Variants in SLC5A4 observed in about 807,000 individuals in gnomAD.
SLC5A4 encodes the protein solute carrier family 5 member 4.
Under a neutral mutation model 70.3 loss-of-function variants are expected in SLC5A4, and 55 were observed. That is an observed-to-expected ratio of 0.78 (90% CI 0.63 to 0.98). The LOEUF is 0.98. Ranked by LOEUF, SLC5A4 falls within the 50% of genes least tolerant of loss-of-function variation. SLC5A4 has a pLI of 0.00. For missense variants in SLC5A4, 735 were observed against 839.2 expected (o/e 0.88, Z 1.53); for synonymous variants, 268 against 305.7 (o/e 0.88, Z 1.29).
At position 32,229,197 on chromosome 22, in the gene SLC5A4, C is replaced by T; in HGVS notation, c.1277G>A (p.Gly426Glu). The change falls in exon 11 of 15, where the codon GGA becomes GAA. Residue 426 changes from glycine (G) to glutamate (E), a missense_variant. Transcript: ENST00000266086. ...GTGGGAACCAGGGTTCACTCACCGT[C>T]CAGCTATCAGGAGCTCTTTCTCCGA... ...QASEKELLIAGRIFVLLLTVV... is the reference protein window; with the variant it reads ...QASEKELLIAERIFVLLLTVV... 2.5e-6 allele frequency: 4 copies of T among 1,613,826 alleles called. No individual in the cohort carries two copies. The highest frequency in any genetic ancestry group is 1.1e-5 in the South Asian group (1 of 91,002).
the SLC5A4 span, among the ~76,000 whole-genome samples, chr22:32,327,696 C>G: frequency 2.0e-5 from 3 of 152,136 alleles, no homozygotes; most frequent in African/African-American, 7.2e-5. Flanking sequence ...ACCTTCCCAT[C>G]CCCTGCAGAC....
At chr22:32,328,364 T>TG in the SLC5A4 span, among the ~76,000 whole-genome samples, 2 of 151,992 alleles carry the variant, frequency 1.3e-5, no homozygotes, top group Non-Finnish European at 1.5e-5. Context: ...TTGTAACAAA[T>TG]GGATAGAATA....
At chr22:32,298,801 C>T in the SLC5A4 span, among the ~76,000 whole-genome samples, 22 of 115,866 alleles carry the variant, frequency 1.9e-4, 1 homozygote, top group Admixed American at 1.7e-3. Flanking sequence ...ACTGGTTGTT[C>T]CTTTCCATGT....
the SLC5A4 span, among the ~76,000 whole-genome samples, chr22:32,277,814 C>T: frequency 2.0e-5 from 3 of 152,212 alleles, no homozygotes; most frequent in South Asian, 4.1e-4. Flanking sequence ...TCCCAAAGTG[C>T]TGAGATTACA....
chr22:32,251,894 A>G lies in SLC5A4; in HGVS notation c.208-20T>C, dbSNP rs368796605. ...GCCCATCTGGAATGCAAGAGAACAG[A>G]CTAGGGTTGGAGTTAAAAGATCCAA... On this transcript the variant is annotated intron_variant, in intron 2 of 14. Coordinates refer to ENST00000266086, the MANE Select transcript of SLC5A4 (RefSeq NM_014227.3). 59 of 1,564,244 alleles carry G rather than the reference A, an allele frequency of 3.8e-5. No individual in the cohort carries two copies. Among genetic ancestry groups the G allele is most frequent in the Non-Finnish European group, 4.9e-5 (56 of 1,134,930 alleles).
At chr22:32,353,492 G>A in the SLC5A4 span, among the ~76,000 whole-genome samples, 1 of 151,970 alleles carries the variant, frequency 6.6e-6, no homozygotes, top group South Asian at 2.1e-4. Context: ...GCTCCAGCAG[G>A]AGGAGATGGC....
chr22:32,317,899 T>C, the SLC5A4 span, among the ~76,000 whole-genome samples: 2 of 152,238 alleles, frequency 1.3e-5, no homozygotes, highest in Non-Finnish European at 2.9e-5. Flanking sequence ...CCAGTTTCAC[T>C]TCTCACCATC....
the SLC5A4 span, among the ~76,000 whole-genome samples, chr22:32,290,544 A>G: frequency 6.6e-6 from 1 of 152,178 alleles, no homozygotes; most frequent in African/African-American, 2.4e-5. Context: ...TGCTTTGGAT[A>G]TGATTTTTTC....
At chr22:32,270,461 G>T in the SLC5A4 span, 97 of 995,830 alleles carry the variant, frequency 9.7e-5, no homozygotes, top group Non-Finnish European at 1.3e-4. Context: ...AATCCCAAGG[G>T]GGAGGGCACG....
At chr22:32,306,735 T>C in the SLC5A4 span, among the ~76,000 whole-genome samples, 481 of 152,264 alleles carry the variant, frequency 3.2e-3, 3 homozygotes, top group African/African-American at 0.011. Context: ...TCCTGCCTTG[T>C]TAAGGTGACT....
chr22:32,292,890 TTG>T, the SLC5A4 span, among the ~76,000 whole-genome samples: 2 of 152,176 alleles, frequency 1.3e-5, no homozygotes, highest in African/African-American at 2.4e-5. Context: ...CCCAGTATAA[TTG>T]TGATTTTGTC....
At position 32,238,964 on chromosome 22, in the gene SLC5A4, C is replaced by T. The variant is rs185715621; in HGVS notation, c.583+21G>A. 66 of 1,571,924 alleles carry T rather than the reference C, an allele frequency of 4.2e-5. No homozygotes were observed. The Admixed American group carries it at 7.7e-4, about 18-fold the overall frequency. On this transcript the variant is annotated intron_variant, in intron 6 of 14. Coordinates refer to ENST00000266086, the MANE Select transcript of SLC5A4 (RefSeq NM_014227.3). ...ATCAGCAAAAGATAGCCTGAGTGAG[C>T]AAAATATGCAACATACTTACCAGTG... is the stretch of plus-strand genomic sequence containing the variant.
chr22:32,334,821 T>G, the SLC5A4 span, among the ~76,000 whole-genome samples: 1 of 152,204 alleles, frequency 6.6e-6, no homozygotes, highest in Non-Finnish European at 1.5e-5. Context: ...GACAAGGACA[T>G]GTCCCTTAGA....
intron 5 of SLC5A4, among the ~76,000 whole-genome samples, chr22:32,243,597 A>C (rs1926658099): frequency 6.6e-6 from 1 of 152,236 alleles, no homozygotes; most frequent in Non-Finnish European, 1.5e-5. Context: ...GCCACAGTAA[A>C]GACTGGATCA....
intron 4 of SLC5A4, among the ~76,000 whole-genome samples, chr22:32,248,214 T>C (rs1926942297): frequency 6.6e-6 from 1 of 152,138 alleles, no homozygotes; most frequent in African/African-American, 2.4e-5. Context: ...GCCTGACAGA[T>C]TTACCCAAAC....
At chr22:32,351,025 T>A in the SLC5A4 span, among the ~76,000 whole-genome samples, 1 of 152,164 alleles carries the variant, frequency 6.6e-6, no homozygotes, top group Non-Finnish European at 1.5e-5. Context: ...AATCTTGCCC[T>A]AAAAACATTA....
the SLC5A4 span, among the ~76,000 whole-genome samples, chr22:32,334,353 A>T: frequency 6.6e-6 from 1 of 151,904 alleles, no homozygotes; most frequent in African/African-American, 2.4e-5. Flanking sequence ...CAGCAGCAAC[A>T]CCACGTGTCT....
the SLC5A4 span, among the ~76,000 whole-genome samples, chr22:32,312,060 A>T: frequency 4.6e-5 from 7 of 152,110 alleles, no homozygotes; most frequent in African/African-American, 1.7e-4. Flanking sequence ...TGAGAGGGAG[A>T]GTGCATGAAA....
chr22:32,218,712 T>C lies in SLC5A4; in HGVS notation c.1782A>G (p.Lys594=). Residue 594 remains lysine, a synonymous_variant, in exon 15 of 15, where the codon AAA becomes AAG. Coordinates refer to ENST00000266086, the MANE Select transcript of SLC5A4 (RefSeq NM_014227.3). ...AAGCTTTCTTGAGGCATCCACGTGA[T>C]TTCTCAGGATAATCTGGAACAAAGA... The part of the protein sequence containing the change: ...DDGVEEDYPE[K]SRGCLKKAYD... 1.2e-6 allele frequency: 2 copies of C among 1,613,710 alleles called. No individual in the cohort carries two copies. The highest frequency in any genetic ancestry group is 1.7e-6 in the Non-Finnish European group (2 of 1,179,712).
Sources: allele counts gnomAD v4.1 joint callset (sites outside exome capture counted in the v4.1 genomes callset), GRCh38; gene constraint gnomAD v4.1.1; transcripts MANE v1.5; gene names NCBI Gene and HGNC (gene_info 2026-07-23, HGNC 2026-07-21).